The following VLDLR variants were observed in gnomAD, a reference collection of about 807,000 sequenced individuals.
VLDLR encodes the protein very low-density lipoprotein receptor.
VLDLR carries 81 observed loss-of-function variants against 112.7 expected under a neutral mutation model. That is an observed-to-expected ratio of 0.72 (90% CI 0.60 to 0.86). The LOEUF (loss-of-function observed/expected upper bound fraction) is 0.86, where lower values mean the gene tolerates loss of function less well. Ranked by LOEUF, VLDLR falls within the 40% of genes least tolerant of loss-of-function variation. VLDLR has a pLI of 0.00. For synonymous variants in VLDLR, 436 were observed against 384.8 expected (o/e 1.13, Z -1.56); for missense variants, 1,237 against 1,099.4 (o/e 1.13, Z -1.77).
chr9:2,643,944 C>A lies in VLDLR; in HGVS notation c.1051C>A (p.Pro351Thr). The A allele has an allele frequency of 1.2e-6, 2 of 1,614,014 alleles. No individual in the cohort carries two copies. Among genetic ancestry groups the A allele is most frequent in the Non-Finnish European group, 1.7e-6 (2 of 1,180,016 alleles). Residue 351 changes from proline (P) to threonine (T), a missense_variant, in exon 7 of 19, where the codon CCC becomes ACC. Coordinates refer to ENST00000382100, the MANE Select transcript of VLDLR (RefSeq NM_003383.5). ...GGACTGCAGGGACTGGAGTGATGAG[C>A]CCCTGAAAGAGTGTCGTAAGTGTAC... ...EQDCRDWSDE[P>T]LKECHINECL...
Position 2,648,259 on chromosome 9 carries a change from C to G in VLDLR, c.1874C>G (p.Ser625Cys). The change falls in exon 13 of 19, where the codon TCC becomes TGC. Residue 625 changes from serine (S) to cysteine (C), a missense_variant. Coordinates refer to ENST00000382100, the MANE Select transcript of VLDLR (RefSeq NM_003383.5). ...YWLDSKLHML[S>C]SVDLNGQDRR... ...CTTGATTCTAAGTTGCACATGTTAT[C>G]CAGCGTGGACTTGAATGGCCAAGAT... 6.2e-7 allele frequency: 1 copy of G among 1,614,134 alleles called. No individual in the cohort carries two copies. The highest frequency in any genetic ancestry group is 8.5e-7 in the Non-Finnish European group (1 of 1,180,018).
At chr9:2,644,688 T>C (rs1028554093) in intron 7 of VLDLR, 46 bp from the exon 8 acceptor site, 13 of 1,613,388 alleles carry the variant, frequency 8.1e-6, no homozygotes, top group Non-Finnish European at 1.1e-5. Context: ...GTGAAAGATA[T>C]TAATTGAAAA....
intron 10 of VLDLR, among the ~76,000 whole-genome samples, chr9:2,646,056 G>C (rs1392676679): frequency 1.3e-5 from 2 of 151,708 alleles, no homozygotes; most frequent in African/African-American, 4.8e-5. Context: ...TTCTTAATGG[G>C]AACTATAGAA....
intron 1 of VLDLR, among the ~76,000 whole-genome samples, chr9:2,627,789 C>A (rs1016308239): frequency 6.6e-6 from 1 of 150,686 alleles, no homozygotes; most frequent in Non-Finnish European, 1.5e-5. Flanking sequence ...CGCTTGAACC[C>A]GGGTGGCAGA....
intron 1 of VLDLR, among the ~76,000 whole-genome samples, chr9:2,625,122 G>C (rs921124323): frequency 2.0e-5 from 3 of 152,224 alleles, no homozygotes; most frequent in Admixed American, 6.5e-5. Flanking sequence ...CCTGATCCAA[G>C]TGTCTCTACC....
intron 15 of VLDLR, 46 bp from the exon 16 acceptor site, chr9:2,651,369 T>A: frequency 6.5e-7 from 1 of 1,545,616 alleles, no homozygotes; most frequent in Non-Finnish European, 8.9e-7. Flanking sequence ...CAGCTAGCCA[T>A]GCTGGAACCC....
intron 7 of VLDLR, among the ~76,000 whole-genome samples, chr9:2,644,263 GTTC>G (rs1817962135): frequency 6.9e-6 from 1 of 143,932 alleles, no homozygotes; most frequent in Non-Finnish European, 1.5e-5. Flanking sequence ...GGTTCAAGCA[GTTC>G]TTCTGCCTCA....
intron 1 of VLDLR, among the ~76,000 whole-genome samples, chr9:2,630,925 A>G (rs555213855): frequency 3.9e-4 from 59 of 152,260 alleles, no homozygotes; most frequent in Non-Finnish European, 7.5e-4. Context: ...GCAAACTATT[A>G]TCTGACAGGA....
chr9:2,626,716 T>G (rs924432006), intron 1 of VLDLR, among the ~76,000 whole-genome samples: 1 of 152,194 alleles, frequency 6.6e-6, no homozygotes, highest in African/African-American at 2.4e-5. Context: ...CCTTTATGTA[T>G]GTAGACGAGG....
intron 1 of VLDLR, among the ~76,000 whole-genome samples, chr9:2,628,471 T>C (rs186945091): frequency 1.1e-3 from 174 of 152,160 alleles, no homozygotes; most frequent in Non-Finnish European, 1.5e-3. Flanking sequence ...TAGTGACCAA[T>C]AGGGAAAAGT....
Position 2,643,492 on chromosome 9 carries a change from G to C in VLDLR, c.781G>C (p.Asp261His), listed in dbSNP as rs1203455515. The C allele has an allele frequency of 6.2e-7, 1 of 1,614,146 alleles. No individual in the cohort carries two copies. Among genetic ancestry groups the C allele is most frequent in the Non-Finnish European group, 8.5e-7 (1 of 1,180,028 alleles). ...CCATAAGAAGTGGCGATGTGATGGGGACCCTGACTGCAAGGATGGCAGTGA... is the reference window on the plus strand; with the variant it reads ...CCATAAGAAGTGGCGATGTGATGGGCACCCTGACTGCAAGGATGGCAGTGA... ...CIHKKWRCDG[D>H]PDCKDGSDEV... The change falls in exon 5 of 19, where the codon GAC becomes CAC. Residue 261 changes from aspartate to histidine, a missense_variant. Asp to His is a moderately conservative substitution (Grantham distance 81). Coordinates refer to ENST00000382100, the MANE Select transcript of VLDLR (RefSeq NM_003383.5).
chr9:2,652,763 C>G lies in VLDLR; in HGVS notation c.2417-17C>G, dbSNP rs755769535. ...TACTAGACTTAGCTCACTTAGCTAC[C>G]CTCTGATTTTTTTCAGTGCTCTTAG... On this transcript the variant is annotated splice_polypyrimidine_tract_variant and intron_variant, in intron 17 of 18. Transcript: ENST00000382100. 13 of 1,613,954 alleles carry G rather than the reference C, an allele frequency of 8.1e-6. No individual in the cohort carries two copies. Among genetic ancestry groups the G allele is most frequent in the Non-Finnish European group, 1.1e-5 (13 of 1,179,930 alleles).
intron 2 of VLDLR, 32 bp downstream of exon 2, chr9:2,635,604 T>G: frequency 6.2e-7 from 1 of 1,613,736 alleles, no homozygotes; most frequent in Non-Finnish European, 8.5e-7. Context: ...TTATGCATTT[T>G]GTTAAAATAT....
In VLDLR at chr9:2,655,803, T is replaced by G. The variant is rs1818579644; in HGVS notation, c.*1935T>G. The G allele has an allele frequency of 6.6e-6, 1 of 152,182 alleles. No homozygotes were observed. Among genetic ancestry groups the G allele is most frequent in the Non-Finnish European group, 1.5e-5 (1 of 68,018 alleles). The allele number at this position is 152,182 out of a possible 1,614,324, so 9.4% of individuals were successfully genotyped here. ...CTCCACCTTTTCCTCACTCTACATT[T>G]AGTCATCACACTGAACAGGATGTGG... On this transcript the variant is annotated 3_prime_UTR_variant, in exon 19 of 19. Coordinates refer to ENST00000382100, the MANE Select transcript of VLDLR (RefSeq NM_003383.5).
intron 17 of VLDLR, among the ~76,000 whole-genome samples, chr9:2,652,514 A>G (rs762656469): frequency 1.1e-4 from 17 of 152,126 alleles, no homozygotes; most frequent in Non-Finnish European, 1.9e-4. Flanking sequence ...CTGCAATTTT[A>G]ATTTGGTGAG....
chr9:2,635,330 C>G (rs1340050040), intron 1 of VLDLR, 123 bp from the exon 2 acceptor site: 2 of 1,478,000 alleles, frequency 1.4e-6, no homozygotes, highest in Non-Finnish European at 1.9e-6. Flanking sequence ...TACTCTGGCC[C>G]TTAGGATGTC....
chr9:2,646,541 C>G lies in VLDLR; in HGVS notation c.1692C>G (p.Asp564Glu). 6.2e-7 allele frequency: 1 copy of G among 1,614,108 alleles called. No individual in the cohort carries two copies. The highest frequency in any genetic ancestry group is 1.7e-5 in the Admixed American group (1 of 60,026). Residue 564 changes from aspartate to glutamate, a missense_variant, in exon 11 of 19, where the codon GAC becomes GAG. Physicochemically the swap from Asp to Glu is conservative, Grantham distance 45. Transcript: ENST00000382100. ...DLREPASIAVDPLSGFVYWSD... is the reference protein window; with the variant it reads ...DLREPASIAVEPLSGFVYWSD... ...GAGAGCCTGCCTCCATAGCTGTGGA[C>G]CCACTGTCTGGGTTTGTAGTCTGTT...
chr9:2,652,985 G>C, intron 18 of VLDLR, 36 bp downstream of exon 18: 1 of 1,613,512 alleles, frequency 6.2e-7, no homozygotes, highest in Non-Finnish European at 8.5e-7. Context: ...ACCATGGCTT[G>C]AAGTGAGACT....
chr9:2,639,264 T>G (rs1048987224), intron 2 of VLDLR, among the ~76,000 whole-genome samples: 7 of 152,196 alleles, frequency 4.6e-5, no homozygotes, highest in Non-Finnish European at 8.8e-5. Context: ...TGTCCTTACA[T>G]AGTAGATAAC....
Sources: gnomAD v4.1 joint callset for allele counts (sites outside exome capture counted in the v4.1 genomes callset) on GRCh38, gnomAD v4.1.1 for gene constraint, MANE v1.5 for transcripts, NCBI Gene and HGNC (gene_info 2026-07-23, HGNC 2026-07-21) for gene names.